TUB: variants seen among roughly 807,000 people sequenced by gnomAD.
TUB encodes the protein TUB bipartite transcription factor.
A neutral mutation model predicts 59.7 loss-of-function variants in TUB; 33 were observed. The ratio of observed to expected loss-of-function variants is 0.55; its 90% CI spans 0.42 to 0.74. The LOEUF (loss-of-function observed/expected upper bound fraction) is 0.74. TUB is among the 30% of genes least tolerant of loss of function. The pLI, the probability that TUB is intolerant of heterozygous loss-of-function variation, is 0.00. For missense variants in TUB, 659 were observed against 672.0 expected (o/e 0.98, Z 0.21); for synonymous variants, 293 against 256.4 (o/e 1.14, Z -1.36).
At chr11:8,025,907 T>G (rs1298764051) in intron 1 of TUB, among the ~76,000 whole-genome samples, 1 of 152,246 alleles carries the variant, frequency 6.6e-6, no homozygotes, top group Non-Finnish European at 1.5e-5. Context: ...CCAAAGAGGT[T>G]GGACCATTTT....
intron 2 of TUB, among the ~76,000 whole-genome samples, chr11:8,051,504 A>T (rs1042943161): frequency 6.6e-6 from 1 of 152,248 alleles, no homozygotes; most frequent in Non-Finnish European, 1.5e-5. Context: ...CTTCAGAGAA[A>T]TGAAATTAAT....
At chr11:8,056,294 G>T (rs1052607208) in intron 2 of TUB, among the ~76,000 whole-genome samples, 4 of 152,166 alleles carry the variant, frequency 2.6e-5, no homozygotes, top group Non-Finnish European at 5.9e-5. Flanking sequence ...GGCTGGCTGG[G>T]GTCTCCTGTC....
At chr11:8,064,737 C>A (rs141799573) in intron 2 of TUB, among the ~76,000 whole-genome samples, 200 of 152,306 alleles carry the variant, frequency 1.3e-3, no homozygotes, top group Non-Finnish European at 2.4e-3. Flanking sequence ...GGTGCCATGG[C>A]TGTTGCAGAC....
intron 1 of TUB, among the ~76,000 whole-genome samples, chr11:8,027,615 A>G (rs1942517355): frequency 6.6e-6 from 1 of 152,148 alleles, no homozygotes; most frequent in Non-Finnish European, 1.5e-5. Context: ...CTCGGGTTCA[A>G]GCAATTCTCC....
intron 1 of TUB, among the ~76,000 whole-genome samples, chr11:8,082,767 G>T (rs1406853047): frequency 6.6e-6 from 1 of 152,204 alleles, no homozygotes. Context: ...CTTAAAAGCA[G>T]ATCCTTCTGA....
At chr11:8,095,845 A>G (rs1943969666) in intron 5 of TUB, among the ~76,000 whole-genome samples, 180 bp downstream of exon 5, 1 of 152,264 alleles carries the variant, frequency 6.6e-6, no homozygotes, top group African/African-American at 2.4e-5. Context: ...CTAAGGCCCC[A>G]GGGAGGCCCT....
chr11:8,036,776 C>A (rs1324088871), upstream of TUB, among the ~76,000 whole-genome samples: 1 of 152,190 alleles, frequency 6.6e-6, no homozygotes, highest in Non-Finnish European at 1.5e-5. Flanking sequence ...ACCATCTTTC[C>A]CCGGTTGTCC....
chr11:8,087,083 A>G (rs1437538558), intron 1 of TUB, among the ~76,000 whole-genome samples: 2 of 152,226 alleles, frequency 1.3e-5, no homozygotes, highest in Non-Finnish European at 2.9e-5. Flanking sequence ...GGCAAGTGGG[A>G]TGGTGGCCTC....
upstream of TUB, among the ~76,000 whole-genome samples, chr11:8,034,639 T>C (rs1191649428): frequency 6.6e-6 from 1 of 152,162 alleles, no homozygotes; most frequent in East Asian, 1.9e-4. Flanking sequence ...GAAGGTTGAT[T>C]ATTAGTAACA....
At chr11:8,057,392 G>A (rs1024359082) in intron 2 of TUB, among the ~76,000 whole-genome samples, 5 of 152,050 alleles carry the variant, frequency 3.3e-5, no homozygotes, top group African/African-American at 9.7e-5. Context: ...TTCTGTAACC[G>A]GTCACAGGGA....
intron 2 of TUB, among the ~76,000 whole-genome samples, chr11:8,043,881 C>T (rs1346382512): frequency 6.6e-6 from 1 of 152,100 alleles, no homozygotes; most frequent in Non-Finnish European, 1.5e-5. Flanking sequence ...CCTTTCTAAT[C>T]TGGATGCCTT....
Position 8,105,413 on chromosome 11 carries a change from T to TTGAG in TUB, c.*3796_*3799dup, listed in dbSNP as rs1470222558. 2 of 152,192 alleles carry TTGAG rather than the reference T, an allele frequency of 1.3e-5. No homozygotes were observed. The highest frequency in any genetic ancestry group is 6.6e-5 in the Admixed American group (1 of 15,264). The allele number at this position is 152,192 out of a possible 1,614,324, so 9.4% of individuals were successfully genotyped here. The stretch of plus-strand genomic sequence containing the variant: ...AATAAGCCAAGGGCTAGGCTCTTGT[T>TTGAG]TGAGTTTATGGCCACCTGGAATTTT... On this transcript the variant is annotated 3_prime_UTR_variant, in exon 12 of 12. Transcript: ENST00000299506.
At chr11:8,023,781 T>C (rs765659700) in intron 1 of TUB, among the ~76,000 whole-genome samples, 10 of 152,240 alleles carry the variant, frequency 6.6e-5, no homozygotes, top group South Asian at 2.1e-4. Context: ...AAAAGATCTA[T>C]GTAAAATGAC....
Position 8,096,680 on chromosome 11 carries a change from C to T in TUB, c.566-5C>T, listed in dbSNP as rs770138833. On this transcript the variant is annotated splice_region_variant and splice_polypyrimidine_tract_variant and intron_variant, in intron 5 of 11. Coordinates refer to ENST00000299506, the MANE Select transcript of TUB (RefSeq NM_177972.3). ...TCATCCCTTCTTCTTCTCTCCTTGG[C>T]CCAGGCATCTCCAGCAGCATGAGCT... 1 of 1,582,838 alleles carries T rather than the reference C, an allele frequency of 6.3e-7. No homozygotes were observed. Among genetic ancestry groups the T allele is most frequent in the Non-Finnish European group, 8.7e-7 (1 of 1,151,570 alleles).
At chr11:8,088,792 C>G (rs1049003547) in intron 1 of TUB, among the ~76,000 whole-genome samples, 1 of 152,224 alleles carries the variant, frequency 6.6e-6, no homozygotes, top group African/African-American at 2.4e-5. Flanking sequence ...GCCCTGCCTT[C>G]CTCAGAGGCA....
At chr11:8,087,511 C>A (rs1041237301) in intron 1 of TUB, among the ~76,000 whole-genome samples, 3 of 152,258 alleles carry the variant, frequency 2.0e-5, no homozygotes, top group South Asian at 4.1e-4. Flanking sequence ...TTTATAGCTG[C>A]CCTGTGCCCA....
Position 8,090,126 on chromosome 11 carries a change from G to A in TUB, c.148G>A (p.Ala50Thr), listed in dbSNP as rs749806365. ...GCGCCAGGAGCCCCTGATGGTGCAG[G>A]CCAATGCAGATGGGCGGCCCCGGAG... ...KKRQEPLMVQ[A>T]NADGRPRSRR... The change falls in exon 3 of 12, where the codon GCC becomes ACC. Residue 50 changes from alanine (A) to threonine (T), a missense_variant. Physicochemically the swap from Ala to Thr is moderately conservative, Grantham distance 58. This residue lies in a region of TUB where 321 missense variants were observed against 304.3 expected (regional missense o/e 1.05). Transcript: ENST00000299506. 6.2e-7 allele frequency: 1 copy of A among 1,613,386 alleles called. No homozygotes were observed. Among genetic ancestry groups the A allele is most frequent in the African/African-American group, 1.3e-5 (1 of 74,948 alleles).
intron 1 of TUB, among the ~76,000 whole-genome samples, chr11:8,031,707 C>A (rs1942573382): frequency 6.6e-6 from 1 of 152,232 alleles, no homozygotes; most frequent in Admixed American, 6.5e-5. Flanking sequence ...TCCGAGCTGG[C>A]CATGCGCGAT....
At chr11:8,101,051 G>A in intron 11 of TUB, 54 bp downstream of exon 11, 1 of 1,604,582 alleles carries the variant, frequency 6.2e-7, no homozygotes, top group Non-Finnish European at 8.5e-7. Context: ...AAGGCCCTTA[G>A]CGTAGGGTTC....
Sources: allele counts gnomAD v4.1 joint callset (sites outside exome capture counted in the v4.1 genomes callset), GRCh38; gene constraint gnomAD v4.1.1; regional missense constraint gnomAD v4.1.1; transcripts MANE v1.5; gene names NCBI Gene and HGNC (gene_info 2026-07-23, HGNC 2026-07-21).